BIN1: variants seen among roughly 807,000 people sequenced by gnomAD.
BIN1 encodes the protein bridging integrator 1.
Under a neutral mutation model 82.0 loss-of-function variants are expected in BIN1, and 53 were observed. That is an observed-to-expected ratio of 0.65 (90% confidence interval 0.52 to 0.81). The LOEUF is 0.81. Ranked by LOEUF, BIN1 falls within the 40% of genes least tolerant of loss-of-function variation. The probability of loss-of-function intolerance (pLI) is 0.00; values close to 1 mark genes in which losing one functional copy is unlikely to be tolerated. For missense variants in BIN1, 642 were observed against 784.4 expected, an observed-to-expected ratio of 0.82 and a Z score of 2.17; for synonymous variants, 302 against 328.0, an observed-to-expected ratio of 0.92 and a Z score of 0.86.
chr2:127,049,327 C>T (rs1293530278), intron 18 of BIN1, among the ~76,000 whole-genome samples: 2 of 152,178 alleles, frequency 1.3e-5, no homozygotes, highest in Non-Finnish European at 2.9e-5. Context: ...AAATCCTACC[C>T]AGCCAGGGCT....
intron 1 of BIN1, among the ~76,000 whole-genome samples, chr2:127,092,661 G>A (rs989692189): frequency 1.3e-5 from 2 of 152,214 alleles, no homozygotes; most frequent in African/African-American, 4.8e-5. Flanking sequence ...CAGCCTTCCA[G>A]AGGATCCACC....
chr2:127,052,017 T>C (rs1683020767), intron 15 of BIN1, among the ~76,000 whole-genome samples: 1 of 152,260 alleles, frequency 6.6e-6, no homozygotes, highest in Non-Finnish European at 1.5e-5. Context: ...CCTCCTGCGC[T>C]GGGAGGCTGG....
At chr2:127,087,987 C>T (rs1558868424) in intron 1 of BIN1, among the ~76,000 whole-genome samples, 1 of 152,248 alleles carries the variant, frequency 6.6e-6, no homozygotes, top group Non-Finnish European at 1.5e-5. Context: ...GCCCAGCCAG[C>T]TGCCCAGGCC....
chr2:127,079,123 A>G (rs1337380117), intron 1 of BIN1, among the ~76,000 whole-genome samples: 1 of 152,206 alleles, frequency 6.6e-6, no homozygotes, highest in Non-Finnish European at 1.5e-5. Flanking sequence ...AGAGACAGAC[A>G]CACACTCGAC....
Position 127,052,323 on chromosome 2 carries a change from G to T in BIN1, c.1303C>A (p.Pro435Thr), listed in dbSNP as rs1240564481. ...GCAAAGGTGCCCTCGGCAGCGCTGG[G>T]CTCCCCGGAAGGCAGGCTGCCGGCT... ...SPAGSLPSGE[P>T]SAAEGTFAVS... is the part of the protein sequence containing the mutation. The change falls in exon 15 of 19, where the codon CCC (proline) becomes ACC (threonine). Residue 435 changes from proline (P) to threonine (T), a missense_variant. By Grantham distance (38) the Pro-to-Thr change is conservative. Coordinates refer to ENST00000316724, the MANE Select transcript of BIN1 (RefSeq NM_139343.3). 1.9e-6 allele frequency: 3 copies of T among 1,587,474 alleles called. No homozygotes were observed. The highest frequency in any genetic ancestry group is 1.8e-5 in the Admixed American group (1 of 56,594).
At position 127,048,431 on chromosome 2, in the gene BIN1, A is replaced by G; in HGVS notation, c.*95T>C. The G allele has an allele frequency of 1.6e-6, 2 of 1,250,452 alleles. No homozygotes were observed. The highest frequency in any genetic ancestry group is 1.7e-5 in the Admixed American group (1 of 57,152). The allele number at this position is 1,250,452 out of a possible 1,614,324, so 77.5% of individuals were successfully genotyped here. Reference sequence around the variant, plus strand: ...CCTCTTGATTTCCCTTTGCTCTTCAAAAGATGAAAAACGAAAACAAAACAA... The same window carrying G: ...CCTCTTGATTTCCCTTTGCTCTTCAGAAGATGAAAAACGAAAACAAAACAA... On this transcript the variant is annotated 3_prime_UTR_variant, in exon 19 of 19. Transcript: ENST00000316724.
At position 127,070,759 on chromosome 2, in the gene BIN1, T is replaced by C; in HGVS notation, c.220+3A>G. ...GGCCAGGTGCGCTCTGCCTGCCTCC[T>C]ACCTTTGACGGAGGCCAGGTAGGTC... is the stretch of plus-strand genomic sequence containing the variant. On this transcript the variant is annotated splice_donor_region_variant and intron_variant, in intron 3 of 18. Coordinates refer to ENST00000316724, the MANE Select transcript of BIN1 (RefSeq NM_139343.3). 1 of 1,613,808 alleles carries C rather than the reference T, an allele frequency of 6.2e-7. No homozygotes were observed. The highest frequency in any genetic ancestry group is 8.5e-7 in the Non-Finnish European group (1 of 1,179,976).
chr2:127,053,390 G>A (rs1683217918), intron 14 of BIN1, 32 bp downstream of exon 14: 2 of 1,613,666 alleles, frequency 1.2e-6, no homozygotes, highest in South Asian at 2.2e-5. Context: ...GGCTCCCCCA[G>A]GGGCTGGACA....
intron 18 of BIN1, among the ~76,000 whole-genome samples, chr2:127,049,961 G>C (rs1446323532): frequency 2.0e-5 from 3 of 152,212 alleles, no homozygotes; most frequent in Non-Finnish European, 2.9e-5. Flanking sequence ...CCCGCCTCGA[G>C]GGACGGCACA....
At chr2:127,083,038 A>T (rs1687495339) in intron 1 of BIN1, among the ~76,000 whole-genome samples, 1 of 151,328 alleles carries the variant, frequency 6.6e-6, no homozygotes, top group Non-Finnish European at 1.5e-5. Flanking sequence ...CAGATTCACC[A>T]ATCAACTGTT....
At position 127,076,687 on chromosome 2, in the gene BIN1, T is replaced by C; in HGVS notation, c.104A>G (p.Lys35Arg). 4 of 1,614,128 alleles carry C rather than the reference T, an allele frequency of 2.5e-6. No homozygotes were observed. Among genetic ancestry groups the C allele is most frequent in the Non-Finnish European group, 3.4e-6 (4 of 1,180,038 alleles). ...AQEKVLQKLG[K>R]ADETKDEQFE... ...CTGCTCATCCTTGGTCTCATCTGCC[T>C]TCCCCAGCTTCTGGAGAACCTGCCG... The change falls in exon 2 of 19, where the codon AAG becomes AGG. Residue 35 changes from lysine to arginine, a missense_variant. Transcript: ENST00000316724.
At chr2:127,060,669 T>C (rs770549925) in intron 10 of BIN1, 6 of 1,613,808 alleles carry the variant, frequency 3.7e-6, no homozygotes, top group South Asian at 2.2e-5. Flanking sequence ...GGTGGAGGCC[T>C]TCATTCTGGA....
In BIN1 at chr2:127,054,238, A is replaced by G. The variant is rs79968379; in HGVS notation, c.1132-226T>C. On this transcript the variant is annotated intron_variant, in intron 12 of 18. Transcript: ENST00000316724. ...ACTGCCCAAAGCCACGCGCCCCGGCACAGGCTCCCGCCCACACCAGGAGGA... is the reference window on the plus strand; with the variant it reads ...ACTGCCCAAAGCCACGCGCCCCGGCGCAGGCTCCCGCCCACACCAGGAGGA... The G allele has an allele frequency of 0.037, 21,543 of 584,638 alleles. 564 individuals are homozygous for G. The highest frequency in any genetic ancestry group is 0.05 in the Non-Finnish European group (15,944 of 318,204). 36.2% of individuals were successfully genotyped at this position (584,638 alleles called of 1,614,324 possible).
In BIN1 at chr2:127,072,204, G is replaced by C. The variant is rs532094071; in HGVS notation, c.166-1388C>G. 9.2e-5 allele frequency among the ~76,000 whole-genome samples: 14 copies of C among 152,342 alleles called. No homozygotes were observed. The South Asian group carries it at 2.9e-3, about 32-fold the overall frequency. ...CCATTCAGGTCCACCTCCAGGTGAA[G>C]GCCAGCAGGGACCCGGCCACATCCA... On this transcript the variant is annotated intron_variant, in intron 2 of 18. Transcript: ENST00000316724.
chr2:127,102,312 A>C (rs1558891428), intron 1 of BIN1, among the ~76,000 whole-genome samples: 2 of 152,218 alleles, frequency 1.3e-5, no homozygotes, highest in Non-Finnish European at 2.9e-5. Context: ...ACCTGGTCAG[A>C]TGCCAGTGAG....
chr2:127,098,717 G>A (rs1185134601), intron 1 of BIN1, among the ~76,000 whole-genome samples: 2 of 152,246 alleles, frequency 1.3e-5, no homozygotes, highest in Non-Finnish European at 2.9e-5. Flanking sequence ...AGCTCTCACA[G>A]TGATGTCTGG....
At chr2:127,070,896 C>A in intron 2 of BIN1, 80 bp from the exon 3 acceptor site, 4 of 1,410,240 alleles carry the variant, frequency 2.8e-6, no homozygotes, top group Non-Finnish European at 3.9e-6. Context: ...GCCACCCTCA[C>A]GTGAATGAAC....
chr2:127,084,117 T>C (rs1310981089), intron 1 of BIN1, among the ~76,000 whole-genome samples: 1 of 152,202 alleles, frequency 6.6e-6, no homozygotes, highest in Non-Finnish European at 1.5e-5. Flanking sequence ...GGCAGCTGCA[T>C]GACAGTCTTC....
At chr2:127,102,823 C>T (rs1378479122) in intron 1 of BIN1, among the ~76,000 whole-genome samples, 1 of 152,210 alleles carries the variant, frequency 6.6e-6, no homozygotes, top group Non-Finnish European at 1.5e-5. Flanking sequence ...ATAAGTAACT[C>T]GGGTCCAGGG....
Sources: gnomAD v4.1 joint callset for allele counts (sites outside exome capture counted in the v4.1 genomes callset) on GRCh38, gnomAD v4.1.1 for gene constraint, MANE v1.5 for transcripts, NCBI Gene and HGNC (gene_info 2026-07-23, HGNC 2026-07-21) for gene names.